The following CDH13 variants were observed in gnomAD, a reference collection of about 807,000 sequenced individuals.
CDH13 encodes the protein cadherin 13, also known as cadherin-13.
In CDH13, 24 loss-of-function variants were observed where a neutral mutation model predicts 63.8. That is an observed-to-expected ratio of 0.38 (90% CI 0.27 to 0.53). The LOEUF is 0.53. CDH13 is among the 20% of genes least tolerant of loss of function. The pLI, the probability that CDH13 is intolerant of heterozygous loss-of-function variation, is 0.85. For missense variants in CDH13, 1,049 were observed against 903.1 expected, an observed-to-expected ratio of 1.16 and a Z score of -2.07; for synonymous variants, 503 against 355.3, an observed-to-expected ratio of 1.42 and a Z score of -4.67.
intron 4 of CDH13, among the ~76,000 whole-genome samples, chr16:83,190,169 CA>C (rs915088460): frequency 6.6e-6 from 1 of 152,188 alleles, no homozygotes; most frequent in Non-Finnish European, 1.5e-5. Context: ...TAACATTGGG[CA>C]AATGCCCATT....
At chr16:83,418,417 T>C (rs1172346307) in intron 6 of CDH13, among the ~76,000 whole-genome samples, 1 of 152,186 alleles carries the variant, frequency 6.6e-6, no homozygotes, top group Non-Finnish European at 1.5e-5. Context: ...AAAGATATAG[T>C]AGTCTTGGAG....
chr16:82,727,339 C>G (rs767134788), intron 1 of CDH13: 1 of 151,998 alleles, frequency 6.6e-6, no homozygotes, highest in African/African-American at 2.4e-5. Flanking sequence ...TCTAATGCAC[C>G]AAATTAGAAG....
At chr16:82,978,015 A>C (rs1315180039) in intron 2 of CDH13, among the ~76,000 whole-genome samples, 1 of 152,170 alleles carries the variant, frequency 6.6e-6, no homozygotes, top group African/African-American at 2.4e-5. Context: ...AACTGGAGCA[A>C]AGGTGACTCT....
chr16:82,942,942 C>A (rs1027549500), intron 2 of CDH13, among the ~76,000 whole-genome samples: 6 of 152,142 alleles, frequency 3.9e-5, no homozygotes, highest in Non-Finnish European at 8.8e-5. Flanking sequence ...AGTCTGTGCT[C>A]TACCCCGTAT....
chr16:83,048,331 T>C (rs919412048), intron 3 of CDH13, among the ~76,000 whole-genome samples: 1 of 152,172 alleles, frequency 6.6e-6, no homozygotes, highest in African/African-American at 2.4e-5. Context: ...TGAAGCCCAA[T>C]AGATGGGCAA....
chr16:83,049,169 C>A (rs914718659), intron 3 of CDH13, among the ~76,000 whole-genome samples: 2 of 152,140 alleles, frequency 1.3e-5, no homozygotes, highest in African/African-American at 4.8e-5. Flanking sequence ...CAACCACTAC[C>A]TTTATCTAGT....
intron 11 of CDH13, among the ~76,000 whole-genome samples, chr16:83,765,107 G>A (rs1222934820): frequency 6.6e-6 from 1 of 152,130 alleles, no homozygotes; most frequent in Non-Finnish European, 1.5e-5. Flanking sequence ...CTCTCTTCCT[G>A]TGCTTGTAAC....
At position 83,578,804 on chromosome 16, in the gene CDH13, C is replaced by T. The variant is rs117555962; in HGVS notation, c.961-23650C>T. 5.3e-5 allele frequency among the ~76,000 whole-genome samples: 8 copies of T among 152,218 alleles called. No homozygotes were observed. The East Asian group carries it at 1.2e-3, about 22-fold the overall frequency. On this transcript the variant is annotated intron_variant, in intron 7 of 13. Coordinates refer to ENST00000567109, the MANE Select transcript of CDH13 (RefSeq NM_001257.5). Reference sequence around the variant, plus strand: ...ATATTAATAACTGCTCAATAAATGTCCACTATTCGGTGTCCTATGTGTATC... The same window carrying T: ...ATATTAATAACTGCTCAATAAATGTTCACTATTCGGTGTCCTATGTGTATC...
chr16:83,467,479 G>T (rs541844439), intron 6 of CDH13, among the ~76,000 whole-genome samples: 2 of 152,166 alleles, frequency 1.3e-5, no homozygotes, highest in South Asian at 4.1e-4. Flanking sequence ...TTAGGAGCTG[G>T]CGCCTTACAG....
chr16:83,601,471 A>T (rs996849686), intron 7 of CDH13, among the ~76,000 whole-genome samples: 2 of 152,202 alleles, frequency 1.3e-5, no homozygotes, highest in Non-Finnish European at 2.9e-5. Flanking sequence ...TTATCAAATC[A>T]TTATTGGATT....
chr16:83,648,871 T>G (rs184826361), intron 8 of CDH13, among the ~76,000 whole-genome samples: 1 of 152,258 alleles, frequency 6.6e-6, no homozygotes, highest in Admixed American at 6.5e-5. Flanking sequence ...TTTTCCTAAC[T>G]TTTTTGCATA....
chr16:83,651,645 G>C (rs887819917), intron 8 of CDH13, among the ~76,000 whole-genome samples: 3 of 141,398 alleles, frequency 2.1e-5, no homozygotes, highest in African/African-American at 8.0e-5. Context: ...ACCCAGGCTG[G>C]AGTGCAGTAG....
At chr16:83,417,024 A>G (rs1386615383) in intron 6 of CDH13, among the ~76,000 whole-genome samples, 2 of 152,230 alleles carry the variant, frequency 1.3e-5, no homozygotes, top group Admixed American at 6.5e-5. Context: ...ACCTTTTCTG[A>G]ATATTGTCCA....
At chr16:82,870,740 T>C (rs1041244162) in intron 2 of CDH13, among the ~76,000 whole-genome samples, 4 of 152,210 alleles carry the variant, frequency 2.6e-5, no homozygotes, top group Non-Finnish European at 5.9e-5. Context: ...CAAAACATCA[T>C]AGGTCCCCTC....
intron 1 of CDH13, among the ~76,000 whole-genome samples, chr16:82,748,874 A>G (rs1366759265): frequency 6.6e-6 from 1 of 152,208 alleles, no homozygotes; most frequent in African/African-American, 2.4e-5. Flanking sequence ...ACTTTCAAAT[A>G]TGTGCCTTGG....
intron 3 of CDH13, among the ~76,000 whole-genome samples, chr16:83,057,521 A>G (rs1434982676): frequency 6.6e-6 from 1 of 152,044 alleles, no homozygotes; most frequent in African/African-American, 2.4e-5. Flanking sequence ...TTTTTTTCAA[A>G]AGTAGTAATT....
chr16:82,896,678 A>C (rs1472819777), intron 2 of CDH13, among the ~76,000 whole-genome samples: 1 of 150,450 alleles, frequency 6.6e-6, no homozygotes, highest in Admixed American at 6.6e-5. Flanking sequence ...AGACTGGAAG[A>C]GCTGTCAGAC....
At chr16:83,020,177 A>C (rs1015608738) in intron 2 of CDH13, among the ~76,000 whole-genome samples, 3 of 152,228 alleles carry the variant, frequency 2.0e-5, no homozygotes, top group African/African-American at 7.2e-5. Flanking sequence ...CGTCATGCAA[A>C]TATGAATATT....
chr16:83,740,391 C>T (rs1911949633), intron 10 of CDH13, among the ~76,000 whole-genome samples: 1 of 151,974 alleles, frequency 6.6e-6, no homozygotes, highest in Admixed American at 6.6e-5. Flanking sequence ...GTGGTCTACA[C>T]AAAAGACGAT....
Sources: gnomAD v4.1 joint callset for allele counts (sites outside exome capture counted in the v4.1 genomes callset) on GRCh38, gnomAD v4.1.1 for gene constraint, MANE v1.5 for transcripts, NCBI Gene and HGNC (gene_info 2026-07-23, HGNC 2026-07-21) for gene names.